Variants in DKK2 observed in about 807,000 individuals in gnomAD.
The protein encoded by DKK2 is dickkopf Wnt signaling pathway inhibitor 2.
Under a neutral mutation model 28.1 loss-of-function variants are expected in DKK2, and 11 were observed. That is an observed-to-expected ratio of 0.39 (90% confidence interval 0.25 to 0.65). The LOEUF (loss-of-function observed/expected upper bound fraction) is 0.65, where lower values mean the gene tolerates loss of function less well. Among genes scored for constraint, DKK2 ranks in the 30% least tolerant of loss-of-function variants. The pLI, the probability that DKK2 is intolerant of heterozygous loss-of-function variation, is 0.47. For missense variants in DKK2, 326 were observed against 335.5 expected, an observed-to-expected ratio of 0.97 and a Z score of 0.22; for synonymous variants, 135 against 126.5, an observed-to-expected ratio of 1.07 and a Z score of -0.45.
At chr4:106,977,373 C>T (rs1722960927) in intron 1 of DKK2, among the ~76,000 whole-genome samples, 1 of 152,212 alleles carries the variant, frequency 6.6e-6, no homozygotes, top group Non-Finnish European at 1.5e-5. Context: ...CTTTCAGGTA[C>T]ACCAATCAAA....
intron 1 of DKK2, among the ~76,000 whole-genome samples, chr4:106,958,290 A>G (rs1722632430): frequency 6.6e-6 from 1 of 152,046 alleles, no homozygotes; most frequent in Non-Finnish European, 1.5e-5. Context: ...AACTAGATGC[A>G]AACCCGAGAT....
intron 1 of DKK2, among the ~76,000 whole-genome samples, chr4:107,032,000 C>A (rs1385329915): frequency 6.6e-6 from 1 of 151,678 alleles, no homozygotes; most frequent in Non-Finnish European, 1.5e-5. Flanking sequence ...GAAACAGTAT[C>A]CTTAGAAATT....
At chr4:106,947,004 GCCCTCAAGAAA>G (rs1724787644) in intron 1 of DKK2, among the ~76,000 whole-genome samples, 2 of 152,034 alleles carry the variant, frequency 1.3e-5, no homozygotes, top group Admixed American at 1.3e-4. Context: ...CATCCTCACT[GCCCTCAAGAAA>G]CCCATATTAT....
chr4:106,941,364 A>G (rs971504335), intron 1 of DKK2, among the ~76,000 whole-genome samples: 1 of 152,136 alleles, frequency 6.6e-6, no homozygotes, highest in Non-Finnish European at 1.5e-5. Context: ...GCTTTGAACA[A>G]GATTGCTTGT....
chr4:106,938,462 T>C (rs1724635580), intron 1 of DKK2, among the ~76,000 whole-genome samples: 1 of 152,136 alleles, frequency 6.6e-6, no homozygotes, highest in Admixed American at 6.5e-5. Flanking sequence ...GGATCTGAAA[T>C]TGTGGCAATA....
intron 1 of DKK2, among the ~76,000 whole-genome samples, chr4:107,013,071 C>T (rs923001618): frequency 4.0e-4 from 60 of 151,156 alleles, no homozygotes; most frequent in African/African-American, 1.1e-3. Flanking sequence ...TCCCCTATCC[C>T]AACTCCTTGA....
chr4:106,968,853 A>T (rs1440251556), intron 1 of DKK2, among the ~76,000 whole-genome samples: 1 of 152,060 alleles, frequency 6.6e-6, no homozygotes, highest in Non-Finnish European at 1.5e-5. Flanking sequence ...AGCTAATATT[A>T]TTGACTCCTC....
chr4:106,977,622 T>G (rs1376526073), intron 1 of DKK2, among the ~76,000 whole-genome samples: 1 of 152,208 alleles, frequency 6.6e-6, no homozygotes, highest in Admixed American at 6.5e-5. Flanking sequence ...CTGGTTACTC[T>G]AGTTAGCAAT....
Position 107,006,075 on chromosome 4 carries a change from C to A in DKK2, c.222+29295G>T, listed in dbSNP as rs926727003. Reference sequence around the variant, plus strand: ...CTAATCATTACTTCAGAGAACAATTCCAACGTTTAAGATTATATTGAAACT... The same window carrying A: ...CTAATCATTACTTCAGAGAACAATTACAACGTTTAAGATTATATTGAAACT... On this transcript the variant is annotated intron_variant, in intron 1 of 3. Transcript: ENST00000285311. Among the ~76,000 whole-genome samples the A allele has an allele frequency of 1.2e-4, 19 of 152,188 alleles. No homozygotes were observed. The East Asian group carries it at 3.5e-3, about 28-fold the overall frequency.
chr4:106,926,349 C>T (rs916504519), intron 1 of DKK2, among the ~76,000 whole-genome samples: 2 of 151,982 alleles, frequency 1.3e-5, no homozygotes, highest in African/African-American at 2.4e-5. Flanking sequence ...TGTTAAAGAA[C>T]GATGAGAGAA....
intron 1 of DKK2, among the ~76,000 whole-genome samples, chr4:107,009,353 C>T (rs1490712560): frequency 1.3e-5 from 2 of 151,852 alleles, no homozygotes; most frequent in African/African-American, 4.8e-5. Context: ...AGAAGAAGGA[C>T]CTTAGCTAAT....
In DKK2 at chr4:107,027,756, A is replaced by AT. The variant is rs71590176; in HGVS notation, c.222+7613dup. 5.7e-3 allele frequency among the ~76,000 whole-genome samples: 777 copies of AT among 135,268 alleles called. 23 individuals are homozygous for AT. Among genetic ancestry groups the AT allele is most frequent in the Admixed American group, 0.011 (143 of 12,762 alleles). The allele number at this position is 135,268 out of a possible 152,430, so 88.7% of individuals were successfully genotyped here. A position where few individuals can be genotyped will look rare whatever the true frequency, so the allele number is the denominator to read the frequency against. ...TTGCTTATGACCTCCACCTATTATG[A>AT]TTTTTTTTTTTTTGAGACAGAGTCT... is the stretch of plus-strand genomic sequence containing the variant. On this transcript the variant is annotated intron_variant, in intron 1 of 3. Transcript: ENST00000285311.
At position 106,954,405 on chromosome 4, in the gene DKK2, G is replaced by A. The variant is rs191169761; in HGVS notation, c.223-28456C>T. Among the ~76,000 whole-genome samples, 565 of 152,184 alleles carry A rather than the reference G, an allele frequency of 3.7e-3. 3 individuals carry two copies. The highest frequency in any genetic ancestry group is 5.9e-3 in the Non-Finnish European group (401 of 68,014). On this transcript the variant is annotated intron_variant, in intron 1 of 3. Coordinates refer to ENST00000285311, the MANE Select transcript of DKK2 (RefSeq NM_014421.3). The stretch of plus-strand genomic sequence containing the variant: ...TTTTATTTTAGCCTAGGAAATAAGA[G>A]AGGAAAAAGAGATGACTATTATGTT...
In DKK2 at chr4:106,986,701, C is replaced by T. The variant is rs72666030; in HGVS notation, c.222+48669G>A. Among the ~76,000 whole-genome samples the T allele has an allele frequency of 5.5e-3, 837 of 152,262 alleles. 1 individual carries two copies. Among genetic ancestry groups the T allele is most frequent in the Non-Finnish European group, 8.5e-3 (576 of 68,012 alleles). The stretch of plus-strand genomic sequence containing the variant: ...ATCAATGAACTCATGTCAGAAGAGC[C>T]TACAGTCTTCCTAATTCGAAGCAGC... On this transcript the variant is annotated intron_variant, in intron 1 of 3. Coordinates refer to ENST00000285311, the MANE Select transcript of DKK2 (RefSeq NM_014421.3).
chr4:106,944,992 A>C (rs1459533636), intron 1 of DKK2, among the ~76,000 whole-genome samples: 1 of 152,108 alleles, frequency 6.6e-6, no homozygotes, highest in Non-Finnish European at 1.5e-5. Flanking sequence ...AGTGATGTTT[A>C]TTATAAAACC....
At chr4:106,990,551 TGAA>T (rs1723188685) in intron 1 of DKK2, among the ~76,000 whole-genome samples, 1 of 152,176 alleles carries the variant, frequency 6.6e-6, no homozygotes, top group African/African-American at 2.4e-5. Flanking sequence ...TTATCAAAAA[TGAA>T]AACCCTGATT....
At chr4:107,034,585 C>A (rs887763181) in intron 1 of DKK2, among the ~76,000 whole-genome samples, 4 of 152,300 alleles carry the variant, frequency 2.6e-5, no homozygotes, top group Non-Finnish European at 5.9e-5. Context: ...CTCAAAAACG[C>A]CTTCAGTGTC....
intron 1 of DKK2, among the ~76,000 whole-genome samples, chr4:106,980,680 G>T (rs1382049124): frequency 3.3e-5 from 5 of 152,092 alleles, no homozygotes; most frequent in African/African-American, 1.2e-4. Flanking sequence ...AAAGTTCATA[G>T]AGCATTATCT....
intron 1 of DKK2, among the ~76,000 whole-genome samples, chr4:107,010,193 T>C (rs1453711917): frequency 6.6e-6 from 1 of 151,786 alleles, no homozygotes; most frequent in East Asian, 1.9e-4. Context: ...TCATAGTATG[T>C]GATTTTATTT....
Sources: gnomAD v4.1 joint callset for allele counts (sites outside exome capture counted in the v4.1 genomes callset) on GRCh38, gnomAD v4.1.1 for gene constraint, MANE v1.5 for transcripts, NCBI Gene and HGNC (gene_info 2026-07-23, HGNC 2026-07-21) for gene names.